WWOX: variants seen among roughly 807,000 people sequenced by gnomAD.
WWOX encodes the protein WW domain-containing oxidoreductase.
A neutral mutation model predicts 46.2 loss-of-function variants in WWOX; 69 were observed. The ratio of observed to expected loss-of-function variants is 1.49; its 90% CI spans 1.23 to 1.82. The LOEUF (loss-of-function observed/expected upper bound fraction) is 1.82. Among genes scored for constraint, WWOX ranks in the 40% most tolerant of loss-of-function variants. The pLI is 0.00. For missense variants in WWOX, 919 were observed against 542.6 expected (o/e 1.69, Z -6.89); for synonymous variants, 359 against 202.6 (o/e 1.77, Z -6.56).
chr16:78,143,900 C>T lies in WWOX; in HGVS notation c.410-20283C>T, dbSNP rs1301608656. On this transcript the variant is annotated intron_variant, in intron 4 of 8. Coordinates refer to ENST00000566780, the MANE Select transcript of WWOX (RefSeq NM_016373.4). ...AACCAGCTCACTTCACGTTTCGGAT[C>T]AGCTTTCTTTTTCTTAACACGGGGA... Among the ~76,000 whole-genome samples, 3 of 151,860 alleles carry T rather than the reference C, an allele frequency of 2.0e-5. No homozygotes were observed. In the East Asian group the frequency reaches 5.8e-4, roughly 29 times the overall value.
At chr16:78,782,084 A>C (rs930936626) in intron 8 of WWOX, among the ~76,000 whole-genome samples, 4 of 152,184 alleles carry the variant, frequency 2.6e-5, no homozygotes, top group African/African-American at 7.2e-5. Flanking sequence ...GGGGAGAAAT[A>C]GATGAAGCTG....
chr16:79,152,118 T>C (rs1322817267), intron 8 of WWOX, among the ~76,000 whole-genome samples: 1 of 152,090 alleles, frequency 6.6e-6, no homozygotes, highest in Non-Finnish European at 1.5e-5. Context: ...TACTTTTTCC[T>C]GTAGAGTAAA....
intron 8 of WWOX, among the ~76,000 whole-genome samples, chr16:79,150,260 C>G (rs1299334101): frequency 6.6e-6 from 1 of 152,228 alleles, no homozygotes; most frequent in Admixed American, 6.5e-5. Flanking sequence ...ACTTTGTACT[C>G]AATGCCTTAA....
At chr16:78,706,537 T>C (rs1429211806) in intron 8 of WWOX, among the ~76,000 whole-genome samples, 1 of 152,198 alleles carries the variant, frequency 6.6e-6, no homozygotes, top group African/African-American at 2.4e-5. Flanking sequence ...ATTCGTCAAC[T>C]ACAAAGAAGC....
At chr16:78,926,126 G>A (rs992188744) in intron 8 of WWOX, among the ~76,000 whole-genome samples, 1 of 152,136 alleles carries the variant, frequency 6.6e-6, no homozygotes, top group East Asian at 1.9e-4. Context: ...AGCACTTTGG[G>A]AGTGGATGGA....
At chr16:78,791,217 G>A (rs1303045034) in intron 8 of WWOX, among the ~76,000 whole-genome samples, 2 of 151,948 alleles carry the variant, frequency 1.3e-5, no homozygotes, top group African/African-American at 2.4e-5. Context: ...CCGGGACAGG[G>A]CGGCCTCATG....
chr16:78,945,142 T>G (rs1012163542), intron 8 of WWOX, among the ~76,000 whole-genome samples: 1 of 152,122 alleles, frequency 6.6e-6, no homozygotes, highest in Non-Finnish European at 1.5e-5. Flanking sequence ...ACCGCACCTC[T>G]GGAGTCCACC....
At chr16:78,555,222 T>A (rs984856340) in intron 8 of WWOX, among the ~76,000 whole-genome samples, 2 of 148,416 alleles carry the variant, frequency 1.3e-5, no homozygotes, top group African/African-American at 4.9e-5. Flanking sequence ...ATTGGAGGCA[T>A]GTGTATATTT....
intron 8 of WWOX, among the ~76,000 whole-genome samples, chr16:79,042,185 G>C (rs1039450159): frequency 2.6e-5 from 4 of 152,246 alleles, no homozygotes; most frequent in East Asian, 3.9e-4. Context: ...CAGTGATTGA[G>C]TGCCCTAGCT....
chr16:78,914,982 A>G (rs1046601444), intron 8 of WWOX, among the ~76,000 whole-genome samples: 3 of 151,978 alleles, frequency 2.0e-5, no homozygotes, highest in African/African-American at 7.2e-5. Context: ...TTCCAGGGTC[A>G]TGTATTAGGT....
intron 8 of WWOX, among the ~76,000 whole-genome samples, chr16:79,177,863 C>G (rs573162166): frequency 1.3e-5 from 2 of 152,282 alleles, no homozygotes; most frequent in African/African-American, 4.8e-5. Context: ...ATAACAGATA[C>G]CATAAACTAG....
intron 8 of WWOX, among the ~76,000 whole-genome samples, chr16:78,944,261 C>G (rs2045907384): frequency 6.6e-6 from 1 of 152,152 alleles, no homozygotes. Flanking sequence ...TTGTAACTCT[C>G]CCCTACTTTA....
At chr16:78,202,215 C>T (rs1043840674) in intron 5 of WWOX, among the ~76,000 whole-genome samples, 6 of 152,206 alleles carry the variant, frequency 3.9e-5, no homozygotes, top group African/African-American at 1.2e-4. Flanking sequence ...GTCCCATCTT[C>T]CTTTCTAGGC....
chr16:79,109,118 A>G (rs967818645), intron 8 of WWOX, among the ~76,000 whole-genome samples: 2 of 152,002 alleles, frequency 1.3e-5, no homozygotes, highest in Non-Finnish European at 2.9e-5. Context: ...AGAGCTCTTG[A>G]CAATAAATGA....
chr16:78,153,991 G>A (rs902833430), intron 4 of WWOX, among the ~76,000 whole-genome samples: 3 of 152,098 alleles, frequency 2.0e-5, no homozygotes, highest in Non-Finnish European at 2.9e-5. Context: ...GTGGGCGACT[G>A]TCCCCACCTG....
chr16:79,197,386 A>G (rs1309124376), intron 8 of WWOX, among the ~76,000 whole-genome samples: 3 of 152,252 alleles, frequency 2.0e-5, no homozygotes, highest in African/African-American at 7.2e-5. Flanking sequence ...CCAACTCTGC[A>G]TTCAGTTTAA....
intron 8 of WWOX, among the ~76,000 whole-genome samples, chr16:78,889,178 C>A (rs1408382929): frequency 6.6e-6 from 1 of 152,124 alleles, no homozygotes; most frequent in African/African-American, 2.4e-5. Context: ...AGGATTCGTA[C>A]CAGGGATTGG....
At chr16:78,943,649 G>A (rs1459278441) in intron 8 of WWOX, among the ~76,000 whole-genome samples, 2 of 152,206 alleles carry the variant, frequency 1.3e-5, no homozygotes, top group African/African-American at 2.4e-5. Flanking sequence ...GGACGCAGCT[G>A]AAAAAATCCA....
chr16:78,177,449 T>A (rs1296869341), intron 5 of WWOX, among the ~76,000 whole-genome samples: 2 of 152,142 alleles, frequency 1.3e-5, no homozygotes, highest in Non-Finnish European at 2.9e-5. Flanking sequence ...AAAGATGGTC[T>A]CCCCACGTGC....
Sources: allele counts gnomAD v4.1 joint callset (sites outside exome capture counted in the v4.1 genomes callset), GRCh38; gene constraint gnomAD v4.1.1; transcripts MANE v1.5; gene names NCBI Gene and HGNC (gene_info 2026-07-23, HGNC 2026-07-21).